EEFSEC: variants seen among roughly 807,000 people sequenced by gnomAD.
EEFSEC encodes eukaryotic elongation factor, selenocysteine-tRNA specific.
A neutral mutation model predicts 42.1 loss-of-function variants in EEFSEC; 43 were observed. That is an observed-to-expected ratio of 1.02 (90% CI 0.80 to 1.32). The LOEUF (loss-of-function observed/expected upper bound fraction) is 1.32, where lower values mean the gene tolerates loss of function less well. Ranked by LOEUF, EEFSEC falls within the 40% of genes most tolerant of loss-of-function variation. EEFSEC has a pLI of 0.00. For synonymous variants in EEFSEC, 354 were observed against 339.1 expected (o/e 1.04, Z -0.48); for missense variants, 745 against 803.6 (o/e 0.93, Z 0.88).
At chr3:128,412,199 T>C (rs185942668), downstream of EEFSEC, among the ~76,000 whole-genome samples, 1 of 152,364 alleles carries the variant, frequency 6.6e-6, no homozygotes, top group East Asian at 1.9e-4. Context: ...TAGTGGGGCC[T>C]CTTCTCCAGG....
Position 128,168,601 on chromosome 3 carries a change from G to C in EEFSEC, c.316+14778G>C, listed in dbSNP as rs564864307. Reference sequence around the variant, plus strand: ...GTCACTCACCTCCATCAGCTAGCCAGTTTCACCCTTTAGTTCTTCTTGTGT... The same window carrying C: ...GTCACTCACCTCCATCAGCTAGCCACTTTCACCCTTTAGTTCTTCTTGTGT... On this transcript the variant is annotated intron_variant, in intron 1 of 6. Transcript: ENST00000254730. Among the ~76,000 whole-genome samples, 15 of 152,340 alleles carry C rather than the reference G, an allele frequency of 9.8e-5. No individual in the cohort carries two copies. The South Asian group carries it at 3.1e-3, about 32-fold the overall frequency.
At chr3:128,389,139 G>A (rs1625296) in intron 6 of EEFSEC, among the ~76,000 whole-genome samples, 62,613 of 152,210 alleles carry the variant, frequency 0.41, 16,014 homozygotes, top group African/African-American at 0.72. Flanking sequence ...GCTGGAGGGA[G>A]GCAGGCAGGC....
intron 1 of EEFSEC, among the ~76,000 whole-genome samples, chr3:128,223,785 C>T (rs756793718): frequency 5.9e-5 from 9 of 152,104 alleles, no homozygotes; most frequent in Admixed American, 1.3e-4. Context: ...TGCCCATGTG[C>T]GTGCATGTTG....
intron 2 of EEFSEC, among the ~76,000 whole-genome samples, chr3:128,252,548 C>G (rs1026350281): frequency 4.6e-5 from 7 of 152,204 alleles, no homozygotes; most frequent in African/African-American, 1.7e-4. Context: ...CGGATCCTTA[C>G]AGTTTCCTAA....
intron 5 of EEFSEC, among the ~76,000 whole-genome samples, chr3:128,346,312 A>G (rs2067311880): frequency 6.6e-6 from 1 of 152,220 alleles, no homozygotes; most frequent in Non-Finnish European, 1.5e-5. Context: ...CCATTGGTAA[A>G]TGGCTTTCCT....
At chr3:128,169,216 G>A (rs943729943) in intron 1 of EEFSEC, among the ~76,000 whole-genome samples, 2 of 152,204 alleles carry the variant, frequency 1.3e-5, no homozygotes, top group Admixed American at 1.3e-4. Context: ...TAAAGCTGAA[G>A]CTAAACTGTG....
chr3:128,395,475 T>C (rs2067970207), intron 6 of EEFSEC, among the ~76,000 whole-genome samples: 1 of 152,234 alleles, frequency 6.6e-6, no homozygotes, highest in Middle Eastern at 3.2e-3. Context: ...TCCTTCCCTT[T>C]CTTCCCAGGG....
chr3:128,310,858 G>A (rs2066882826), intron 4 of EEFSEC, among the ~76,000 whole-genome samples: 1 of 152,226 alleles, frequency 6.6e-6, no homozygotes, highest in South Asian at 2.1e-4. Context: ...TGGCAAGCAG[G>A]TCTGGAGGCC....
At chr3:128,379,115 A>G (rs907057730) in intron 6 of EEFSEC, among the ~76,000 whole-genome samples, 2 of 152,070 alleles carry the variant, frequency 1.3e-5, no homozygotes, top group Non-Finnish European at 2.9e-5. Context: ...GTCTGTAGGG[A>G]CGGCAGCTCT....
chr3:128,240,932 A>C (rs1220696655), intron 1 of EEFSEC, among the ~76,000 whole-genome samples: 1 of 152,252 alleles, frequency 6.6e-6, no homozygotes, highest in African/African-American at 2.4e-5. Context: ...ACAGCTGCAA[A>C]TAATAATATA....
At chr3:128,267,545 A>G (rs1178150165) in intron 4 of EEFSEC, among the ~76,000 whole-genome samples, 1 of 152,216 alleles carries the variant, frequency 6.6e-6, no homozygotes, top group Non-Finnish European at 1.5e-5. Flanking sequence ...TTGTTTCTCC[A>G]TTGATGCTTA....
intron 4 of EEFSEC, among the ~76,000 whole-genome samples, chr3:128,289,529 A>C (rs957617769): frequency 1.3e-5 from 2 of 152,232 alleles, no homozygotes; most frequent in African/African-American, 4.8e-5. Flanking sequence ...TGTGCATGGG[A>C]ATGCAAAACT....
chr3:128,177,924 T>C (rs966299916), intron 1 of EEFSEC, among the ~76,000 whole-genome samples: 1 of 152,204 alleles, frequency 6.6e-6, no homozygotes, highest in Admixed American at 6.5e-5. Flanking sequence ...CCATAAAGAA[T>C]GAGTAGACAC....
At chr3:128,336,483 T>C (rs1559926473) in intron 4 of EEFSEC, among the ~76,000 whole-genome samples, 1 of 152,202 alleles carries the variant, frequency 6.6e-6, no homozygotes, top group Non-Finnish European at 1.5e-5. Context: ...CTTTGTCCCA[T>C]GGCAATGGTG....
intron 4 of EEFSEC, among the ~76,000 whole-genome samples, chr3:128,329,514 G>A (rs1220245153): frequency 6.6e-6 from 1 of 152,202 alleles, no homozygotes; most frequent in African/African-American, 2.4e-5. Flanking sequence ...GTCAAGTGGC[G>A]GGGGCTGTGG....
chr3:128,371,696 G>A (rs1018778509), intron 6 of EEFSEC, among the ~76,000 whole-genome samples: 5 of 152,216 alleles, frequency 3.3e-5, no homozygotes, highest in Non-Finnish European at 5.9e-5. Context: ...GCAGAATGAG[G>A]AGGGTGATGT....
rs562702327 is a variant in EEFSEC at position 128,249,684 on chromosome 3, C to T, written c.524+2641C>T. Among the ~76,000 whole-genome samples the T allele has an allele frequency of 3.9e-5, 6 of 152,224 alleles. No individual in the cohort carries two copies. In the South Asian group the frequency reaches 6.2e-4, roughly 16 times the overall value. ...TACCTTTTATCAGTGGAATAATATA[C>T]TATTTGGCCTTTTGTGTCTGGATTA... On this transcript the variant is annotated intron_variant, in intron 2 of 6. Coordinates refer to ENST00000254730, the MANE Select transcript of EEFSEC (RefSeq NM_021937.5).
Position 128,341,252 on chromosome 3 carries a change from C to T in EEFSEC, c.806C>T (p.Ser269Phe). ...CATCAGGTGGTGAAGAAGGTGAAGT[C>T]CATGCAGATGTTCCACATGCCCATC... The part of the protein sequence containing the change: ...PALKVVKKVK[S>F]MQMFHMPITS... The change falls in exon 5 of 7, where the codon TCC becomes TTC. Residue 269 changes from serine to phenylalanine, a missense_variant. Transcript: ENST00000254730. 6.2e-7 allele frequency: 1 copy of T among 1,610,492 alleles called. No individual in the cohort carries two copies. Among genetic ancestry groups the T allele is most frequent in the Non-Finnish European group, 8.5e-7 (1 of 1,178,166 alleles).
intron 4 of EEFSEC, among the ~76,000 whole-genome samples, chr3:128,296,072 T>A (rs2066702874): frequency 2.0e-5 from 3 of 151,420 alleles, no homozygotes; most frequent in African/African-American, 7.3e-5. Flanking sequence ...GGATAGAGAG[T>A]GAGAGATTAT....
Sources: allele counts gnomAD v4.1 joint callset (sites outside exome capture counted in the v4.1 genomes callset), GRCh38; gene constraint gnomAD v4.1.1; transcripts MANE v1.5; gene names NCBI Gene and HGNC (gene_info 2026-07-23, HGNC 2026-07-21).